TRAF3: variants seen among roughly 807,000 people sequenced by gnomAD.
TRAF3 encodes TNF receptor-associated factor 3.
TRAF3 carries 13 observed loss-of-function variants against 62.3 expected under a neutral mutation model. The ratio of observed to expected loss-of-function variants is 0.21; its 90% CI spans 0.14 to 0.33. The LOEUF (loss-of-function observed/expected upper bound fraction) is 0.33, where lower values mean the gene tolerates loss of function less well. Among genes scored for constraint, TRAF3 ranks in the 10% least tolerant of loss-of-function variants. The pLI is 1.00. For synonymous variants in TRAF3, 269 were observed against 283.4 expected (o/e 0.95, Z 0.51); for missense variants, 440 against 741.8 (o/e 0.59, Z 4.73).
chr14:102,830,977 A>AT (rs1778524640), intron 2 of TRAF3, among the ~76,000 whole-genome samples: 1 of 152,174 alleles, frequency 6.6e-6, no homozygotes, highest in African/African-American at 2.4e-5. Context: ...ATACAAATTG[A>AT]TTTTTTTAGC....
intron 1 of TRAF3, among the ~76,000 whole-genome samples, chr14:102,810,289 A>G (rs1899043065): frequency 6.6e-6 from 1 of 152,134 alleles, no homozygotes; most frequent in Non-Finnish European, 1.5e-5. Context: ...GAGTATAGAT[A>G]CTGTTCATCA....
intron 2 of TRAF3, among the ~76,000 whole-genome samples, chr14:102,832,143 A>G (rs1434400711): frequency 7.0e-6 from 1 of 142,848 alleles, no homozygotes; most frequent in Non-Finnish European, 1.6e-5. Context: ...GTACAACATG[A>G]TATTTTGAAG....
At chr14:102,875,169 G>A (rs1386284704) in intron 4 of TRAF3, among the ~76,000 whole-genome samples, 1 of 152,134 alleles carries the variant, frequency 6.6e-6, no homozygotes, top group Non-Finnish European at 1.5e-5. Context: ...TCTCCAGCAA[G>A]CGATCTATAC....
At chr14:102,827,606 C>T (rs1241077609) in intron 1 of TRAF3, among the ~76,000 whole-genome samples, 1 of 152,110 alleles carries the variant, frequency 6.6e-6, no homozygotes, top group Non-Finnish European at 1.5e-5. Context: ...CAGAAAGTTT[C>T]GGATTTTGGA....
chr14:102,814,040 G>T (rs991151847), intron 1 of TRAF3, among the ~76,000 whole-genome samples: 2 of 152,090 alleles, frequency 1.3e-5, no homozygotes, highest in Non-Finnish European at 2.9e-5. Context: ...TATCATTTGG[G>T]TCTTATATTT....
At chr14:102,859,460 C>T (rs764041358) in intron 2 of TRAF3, among the ~76,000 whole-genome samples, 6 of 152,254 alleles carry the variant, frequency 3.9e-5, no homozygotes, top group African/African-American at 7.2e-5. Context: ...GCTAACTCCA[C>T]ATGTCCCTAG....
At chr14:102,814,384 T>A (rs944187904) in intron 1 of TRAF3, among the ~76,000 whole-genome samples, 3 of 152,244 alleles carry the variant, frequency 2.0e-5, no homozygotes, top group Admixed American at 6.5e-5. Flanking sequence ...TACCTCCAGC[T>A]CTGTTCTTCT....
chr14:102,888,008 C>T (rs1889497639), intron 7 of TRAF3, among the ~76,000 whole-genome samples: 2 of 151,974 alleles, frequency 1.3e-5, no homozygotes, highest in African/African-American at 4.8e-5. Flanking sequence ...CTGTAGATTC[C>T]CCGAGACTCA....
At chr14:102,886,089 G>A in intron 6 of TRAF3, 100 bp from the exon 7 acceptor site, 1 of 1,027,706 alleles carries the variant, frequency 9.7e-7, no homozygotes, top group Non-Finnish European at 1.5e-6. Flanking sequence ...GGACAGCGAT[G>A]GTGAGCAGAG....
intron 7 of TRAF3, among the ~76,000 whole-genome samples, chr14:102,887,827 C>T (rs1889485749): frequency 6.6e-6 from 1 of 151,964 alleles, no homozygotes; most frequent in Non-Finnish European, 1.5e-5. Flanking sequence ...CGTCTCCTGA[C>T]CTCGTGATTT....
chr14:102,836,823 A>C (rs564465943), intron 2 of TRAF3, among the ~76,000 whole-genome samples: 1 of 152,258 alleles, frequency 6.6e-6, no homozygotes, highest in Non-Finnish European at 1.5e-5. Flanking sequence ...TGAAGTAAGT[A>C]TGCAGTGGTA....
At chr14:102,876,875 TCTG>T (rs1425086523) in intron 6 of TRAF3, among the ~76,000 whole-genome samples, 2 of 150,554 alleles carry the variant, frequency 1.3e-5, no homozygotes, top group Non-Finnish European at 2.9e-5. Flanking sequence ...CCACAGGACT[TCTG>T]CTCAGTTCGT....
At chr14:102,879,764 G>A (rs1485439319) in intron 6 of TRAF3, among the ~76,000 whole-genome samples, 5 of 151,920 alleles carry the variant, frequency 3.3e-5, no homozygotes, top group African/African-American at 9.7e-5. Context: ...CTGTGTCCAT[G>A]TCTTTCTTCC....
At chr14:102,844,879 A>G (rs1379503082) in intron 2 of TRAF3, among the ~76,000 whole-genome samples, 7 of 151,108 alleles carry the variant, frequency 4.6e-5, no homozygotes, top group Admixed American at 4.6e-4. Flanking sequence ...CCACCTCTAA[A>G]AAAAAAAAAA....
At chr14:102,812,764 G>A (rs1465049882) in intron 1 of TRAF3, among the ~76,000 whole-genome samples, 3 of 150,254 alleles carry the variant, frequency 2.0e-5, no homozygotes, top group Non-Finnish European at 2.9e-5. Flanking sequence ...CTAAAAATAC[G>A]AAAAATTAGC....
intron 1 of TRAF3, among the ~76,000 whole-genome samples, chr14:102,815,738 G>T (rs922659824): frequency 6.6e-6 from 1 of 152,168 alleles, no homozygotes; most frequent in African/African-American, 2.4e-5. Context: ...CTACATGTCT[G>T]GGGAGGCCTC....
intron 1 of TRAF3, among the ~76,000 whole-genome samples, chr14:102,823,693 A>T (rs1900114509): frequency 6.6e-6 from 1 of 152,026 alleles, no homozygotes; most frequent in Non-Finnish European, 1.5e-5. Context: ...TGTCTATTGG[A>T]TGTTTGGCCT....
intron 8 of TRAF3, 58 bp downstream of exon 8, chr14:102,889,692 A>G: frequency 3.8e-6 from 6 of 1,576,934 alleles, no homozygotes; most frequent in South Asian, 1.1e-5. Flanking sequence ...AGAGAAAGTT[A>G]TTATATTAAC....
At chr14:102,877,662 G>A (rs1057138261) in intron 6 of TRAF3, among the ~76,000 whole-genome samples, 6 of 145,914 alleles carry the variant, frequency 4.1e-5, no homozygotes, top group African/African-American at 1.5e-4. Flanking sequence ...CAGGCCTTCC[G>A]CTCAGCTCAT....
Sources: gnomAD v4.1 joint callset for allele counts (sites outside exome capture counted in the v4.1 genomes callset) on GRCh38, gnomAD v4.1.1 for gene constraint, MANE v1.5 for transcripts, NCBI Gene and HGNC (gene_info 2026-07-23, HGNC 2026-07-21) for gene names.